Variants in XRRA1 observed in about 807,000 individuals in gnomAD.
XRRA1 encodes the protein X-ray radiation resistance associated 1.
Under a neutral mutation model 80.2 loss-of-function variants are expected in XRRA1, and 69 were observed. The observed-to-expected ratio is 0.86, with a 90% CI of 0.71 to 1.05. The LOEUF (loss-of-function observed/expected upper bound fraction) is 1.05. Ranked by LOEUF, XRRA1 falls within the 50% of genes least tolerant of loss-of-function variation. The probability of loss-of-function intolerance (pLI) is 0.00; values close to 1 mark genes in which losing one functional copy is unlikely to be tolerated. For missense variants in XRRA1, 967 were observed against 976.4 expected (o/e 0.99, Z 0.13); for synonymous variants, 348 against 389.9 (o/e 0.89, Z 1.27).
At chr11:74,944,298 C>G (rs1947038003) in intron 2 of XRRA1, among the ~76,000 whole-genome samples, 2 of 152,232 alleles carry the variant, frequency 1.3e-5, no homozygotes, top group East Asian at 3.9e-4. Context: ...ACATGTGAGC[C>G]AAGTGAAGGA....
At chr11:74,913,143 A>C (rs147669246) in intron 8 of XRRA1, among the ~76,000 whole-genome samples, 198 of 152,350 alleles carry the variant, frequency 1.3e-3, no homozygotes, top group African/African-American at 4.0e-3. Flanking sequence ...CAGAACACCC[A>C]CATTTATTTA....
chr11:74,936,628 A>G (rs1250941199), intron 4 of XRRA1, among the ~76,000 whole-genome samples: 2 of 152,234 alleles, frequency 1.3e-5, no homozygotes, highest in African/African-American at 2.4e-5. Context: ...TTGGAGCCTC[A>G]GTTTTCCCAT....
Position 74,879,449 on chromosome 11 carries a change from C to G in XRRA1, c.1004-16428G>C, listed in dbSNP as rs2046922838. Among the ~76,000 whole-genome samples, 3 of 152,032 alleles carry G rather than the reference C, an allele frequency of 2.0e-5. No individual in the cohort carries two copies. The South Asian group carries it at 6.2e-4, about 32-fold the overall frequency. On this transcript the variant is annotated intron_variant, in intron 10 of 18. Transcript: ENST00000684022. The stretch of plus-strand genomic sequence containing the variant: ...ACTTCCTCTTTTCCTAATTGAATAC[C>G]CTTTATTTCCTTCTCCTGCCTAATT...
Position 74,848,461 on chromosome 11 carries a change from A to G in XRRA1, c.1382T>C (p.Val461Ala), listed in dbSNP as rs912952594. The change falls in exon 15 of 19, where the codon GTG (valine) becomes GCG (alanine). Residue 461 changes from valine (V) to alanine (A), a missense_variant and splice_region_variant. Coordinates refer to ENST00000684022, the MANE Select transcript of XRRA1 (RefSeq NM_001378157.1). ...CGGCACCTTTGGGATTTCGCTTTTCACCTGTCATGGAGAAGGGCCAGAATG... is the reference window on the plus strand; with the variant it reads ...CGGCACCTTTGGGATTTCGCTTTTCGCCTGTCATGGAGAAGGGCCAGAATG... ...VLMSRKESWKVKSEIPKVPKQ... is the reference protein window; with the variant it reads ...VLMSRKESWKAKSEIPKVPKQ... 1.2e-6 allele frequency: 2 copies of G among 1,603,410 alleles called. No individual in the cohort carries two copies. Among genetic ancestry groups the G allele is most frequent in the Admixed American group, 1.7e-5 (1 of 59,026 alleles).
chr11:74,878,366 C>A (rs1181160278), intron 10 of XRRA1, among the ~76,000 whole-genome samples: 1 of 151,608 alleles, frequency 6.6e-6, no homozygotes, highest in Non-Finnish European at 1.5e-5. Flanking sequence ...GATATTAGCC[C>A]TTTGTCAGAG....
chr11:74,892,206 G>GAT (rs2050935420), intron 10 of XRRA1, among the ~76,000 whole-genome samples: 1 of 152,082 alleles, frequency 6.6e-6, no homozygotes, highest in African/African-American at 2.4e-5. Context: ...CCAAAACAGA[G>GAT]ATATAGACCA....
At position 74,851,213 on chromosome 11, in the gene XRRA1, T is replaced by A. The variant is rs1463455965; in HGVS notation, c.1265-10A>T. 3 of 1,594,790 alleles carry A rather than the reference T, an allele frequency of 1.9e-6. No homozygotes were observed. Among genetic ancestry groups the A allele is most frequent in the African/African-American group, 1.4e-5 (1 of 73,838 alleles). On this transcript the variant is annotated splice_polypyrimidine_tract_variant and intron_variant, in intron 13 of 18. Coordinates refer to ENST00000684022, the MANE Select transcript of XRRA1 (RefSeq NM_001378157.1). ...AGCAGTGGAGGGACCCCTGGTGCCA[T>A]GATGGGAAAATAAGATTACTATTAG...
intron 1 of XRRA1, among the ~76,000 whole-genome samples, chr11:74,946,877 T>C (rs1202808397): frequency 6.6e-6 from 1 of 151,736 alleles, no homozygotes. Flanking sequence ...TCAGCCTCCC[T>C]AGAAGCTGGG....
At chr11:74,851,230 T>C in intron 13 of XRRA1, 27 bp from the exon 14 acceptor site, 1 of 1,551,566 alleles carries the variant, frequency 6.4e-7, no homozygotes, top group Non-Finnish European at 8.8e-7. Context: ...AAAATAAGAT[T>C]ACTATTAGCT....
chr11:74,892,007 C>T (rs1403619838), intron 10 of XRRA1, among the ~76,000 whole-genome samples: 2 of 152,170 alleles, frequency 1.3e-5, no homozygotes, highest in Non-Finnish European at 1.5e-5. Flanking sequence ...TCAATGCCAT[C>T]TGCATCAAGC....
intron 10 of XRRA1, among the ~76,000 whole-genome samples, chr11:74,878,950 C>CT (rs1444951815): frequency 1.3e-5 from 2 of 151,648 alleles, no homozygotes; most frequent in African/African-American, 4.8e-5. Flanking sequence ...GATGTGGGTT[C>CT]TTTTTTGGTT....
chr11:74,848,472 A>G lies in XRRA1; in HGVS notation c.1381-10T>C. On this transcript the variant is annotated splice_polypyrimidine_tract_variant and intron_variant, in intron 14 of 18. Coordinates refer to ENST00000684022, the MANE Select transcript of XRRA1 (RefSeq NM_001378157.1). ...GGATTTCGCTTTTCACCTGTCATGGAGAAGGGCCAGAATGAATTTGCTTCC... is the reference window on the plus strand; with the variant it reads ...GGATTTCGCTTTTCACCTGTCATGGGGAAGGGCCAGAATGAATTTGCTTCC... The G allele has an allele frequency of 6.3e-7, 1 of 1,590,822 alleles. No individual in the cohort carries two copies. Among genetic ancestry groups the G allele is most frequent in the South Asian group, 1.1e-5 (1 of 88,016 alleles).
chr11:74,942,331 T>C (rs949764822), intron 2 of XRRA1, among the ~76,000 whole-genome samples: 14 of 152,030 alleles, frequency 9.2e-5, no homozygotes, highest in Non-Finnish European at 1.9e-4. Flanking sequence ...AGTCAGACTT[T>C]ATGTATGAAA....
intron 11 of XRRA1, 21 bp downstream of exon 11, chr11:74,862,960 T>C (rs766909015): frequency 4.1e-5 from 65 of 1,571,840 alleles, no homozygotes; most frequent in Non-Finnish European, 5.4e-5. Context: ...GGAACACAAA[T>C]ATAAAGTAGT....
At chr11:74,921,388 G>C (rs757773957) in intron 7 of XRRA1, 41 bp from the exon 8 acceptor site, 1 of 1,610,904 alleles carries the variant, frequency 6.2e-7, no homozygotes, top group South Asian at 1.1e-5. Flanking sequence ...TAAGCACTCT[G>C]TGTGACAACA....
In XRRA1 at chr11:74,939,857, G is replaced by A. The variant is rs528549699; in HGVS notation, c.94+928C>T. Among the ~76,000 whole-genome samples, 252 of 152,102 alleles carry A rather than the reference G, an allele frequency of 1.7e-3. 1 individual carries two copies. Among genetic ancestry groups the A allele is most frequent in the African/African-American group, 5.9e-3 (243 of 41,506 alleles). ...AGAGAGTGACATAGAGAGAGAGAGA[G>A]AGAGAGCGAGAGCAAGAGAGAGAGA... On this transcript the variant is annotated intron_variant, in intron 3 of 18. Coordinates refer to ENST00000684022, the MANE Select transcript of XRRA1 (RefSeq NM_001378157.1).
intron 18 of XRRA1, 80 bp downstream of exon 18, chr11:74,843,774 C>G: frequency 7.6e-7 from 1 of 1,317,196 alleles, no homozygotes; most frequent in Non-Finnish European, 1.1e-6. Context: ...CTTTCCTGCA[C>G]TGACACAAGC....
At chr11:74,872,734 CT>C (rs2045128565) in intron 10 of XRRA1, among the ~76,000 whole-genome samples, 1 of 152,142 alleles carries the variant, frequency 6.6e-6, no homozygotes, top group African/African-American at 2.4e-5. Flanking sequence ...GTTCAGACCC[CT>C]GGCTCCAGCA....
intron 10 of XRRA1, among the ~76,000 whole-genome samples, chr11:74,870,594 G>A (rs1590800348): frequency 6.6e-6 from 1 of 152,140 alleles, no homozygotes; most frequent in East Asian, 1.9e-4. Context: ...GGAATAGAAA[G>A]GATCTCCCTT....
Sources: gnomAD v4.1 joint callset for allele counts (sites outside exome capture counted in the v4.1 genomes callset) on GRCh38, gnomAD v4.1.1 for gene constraint, MANE v1.5 for transcripts, NCBI Gene and HGNC (gene_info 2026-07-23, HGNC 2026-07-21) for gene names.